The following SUPT3H variants were observed in gnomAD, a reference collection of about 807,000 sequenced individuals.
The protein encoded by SUPT3H is transcription initiation protein SPT3 homolog.
A neutral mutation model predicts 44.3 loss-of-function variants in SUPT3H; 44 were observed. The ratio of observed to expected loss-of-function variants is 0.99; its 90% CI spans 0.78 to 1.28. The LOEUF (loss-of-function observed/expected upper bound fraction) is 1.28, where lower values mean the gene tolerates loss of function less well. Ranked by LOEUF, SUPT3H falls within the 50% of genes most tolerant of loss-of-function variation. The probability of loss-of-function intolerance (pLI) is 0.00; values close to 1 mark genes in which losing one functional copy is unlikely to be tolerated. For synonymous variants in SUPT3H, 124 were observed against 125.6 expected (o/e 0.99, Z 0.09); for missense variants, 380 against 387.1 (o/e 0.98, Z 0.15).
intron 2 of SUPT3H, among the ~76,000 whole-genome samples, chr6:45,208,012 A>C (rs1763462915): frequency 6.6e-6 from 1 of 152,218 alleles, no homozygotes; most frequent in Non-Finnish European, 1.5e-5. Flanking sequence ...ACACAGTCCA[A>C]AAGCTAAGCC....
intron 10 of SUPT3H, among the ~76,000 whole-genome samples, chr6:44,849,260 T>C (rs377389595): frequency 0.011 from 1,424 of 130,342 alleles, 32 homozygotes; most frequent in African/African-American, 0.039. Flanking sequence ...GGAGTCTCGC[T>C]CTGTCGCCCA....
chr6:45,092,953 A>C lies in SUPT3H; in HGVS notation c.186+12969T>G, dbSNP rs1405421245. Among the ~76,000 whole-genome samples, 5 of 152,126 alleles carry C rather than the reference A, an allele frequency of 3.3e-5. No homozygotes were observed. The East Asian group carries it at 5.8e-4, about 18-fold the overall frequency. On this transcript the variant is annotated intron_variant, in intron 3 of 10. Transcript: ENST00000371459. ...AGATGTGAGAACGACTAGAATTGAA[A>C]TTATCAGCATAAATAATCTGTTCCC... is the stretch of plus-strand genomic sequence containing the variant.
intron 2 of SUPT3H, among the ~76,000 whole-genome samples, chr6:45,232,273 G>C (rs187263401): frequency 6.6e-6 from 1 of 152,148 alleles, no homozygotes; most frequent in Non-Finnish European, 1.5e-5. Context: ...TTTGATTATC[G>C]GTGTGTGCAG....
intron 2 of SUPT3H, among the ~76,000 whole-genome samples, chr6:45,142,465 G>A (rs749364914): frequency 2.6e-5 from 4 of 151,952 alleles, no homozygotes; most frequent in South Asian, 2.1e-4. Flanking sequence ...TGCCAGGAGC[G>A]GTGGCTCACG....
intron 3 of SUPT3H, among the ~76,000 whole-genome samples, chr6:45,099,975 G>C (rs552739150): frequency 1.8e-4 from 27 of 152,140 alleles, no homozygotes; most frequent in African/African-American, 6.5e-4. Context: ...ATACAGACAA[G>C]AATATTCCCG....
At position 44,906,776 on chromosome 6, in the gene SUPT3H, A is replaced by C. The variant is rs910845692; in HGVS notation, c.912+25877T>G. On this transcript the variant is annotated intron_variant, in intron 10 of 10. Coordinates refer to ENST00000371459, the MANE Select transcript of SUPT3H (RefSeq NM_003599.4). ...GACTCCGTCTCAAAAAACAAACAAA[A>C]AAAATTCACAAGGGTTCCCAGTCTG... 3.9e-5 allele frequency among the ~76,000 whole-genome samples: 6 copies of C among 152,296 alleles called. No individual in the cohort carries two copies. In the South Asian group the frequency reaches 8.3e-4, roughly 21 times the overall value.
intron 10 of SUPT3H, among the ~76,000 whole-genome samples, chr6:44,854,321 A>G (rs763710502): frequency 6.6e-6 from 1 of 152,188 alleles, no homozygotes; most frequent in Non-Finnish European, 1.5e-5. Context: ...GACTCTTTTA[A>G]TAACACCCTA....
chr6:45,122,536 C>G (rs778158830), intron 2 of SUPT3H, among the ~76,000 whole-genome samples: 7 of 152,026 alleles, frequency 4.6e-5, no homozygotes, highest in Non-Finnish European at 7.4e-5. Flanking sequence ...GAATACTAAA[C>G]CCACCATCAT....
intron 2 of SUPT3H, among the ~76,000 whole-genome samples, chr6:45,218,590 T>G (rs767843364): frequency 2.0e-5 from 3 of 152,120 alleles, no homozygotes; most frequent in Non-Finnish European, 4.4e-5. Context: ...AAAAATTAGC[T>G]GGGCATGATG....
chr6:45,254,790 C>T (rs924923245), intron 2 of SUPT3H, among the ~76,000 whole-genome samples: 1 of 152,196 alleles, frequency 6.6e-6, no homozygotes, highest in African/African-American at 2.4e-5. Context: ...CAACTGCAGT[C>T]TCAAAACATT....
intron 9 of SUPT3H, among the ~76,000 whole-genome samples, chr6:44,946,727 G>C (rs1773409805): frequency 6.6e-6 from 1 of 152,168 alleles, no homozygotes; most frequent in Non-Finnish European, 1.5e-5. Context: ...TGAAGATGCT[G>C]TGAACATTTT....
At chr6:45,375,455 T>C (rs1796645542) in intron 1 of SUPT3H, among the ~76,000 whole-genome samples, 1 of 152,236 alleles carries the variant, frequency 6.6e-6, no homozygotes, top group South Asian at 2.1e-4. Context: ...GATTTGTATA[T>C]TATGAGCTAT....
At chr6:45,182,330 G>T (rs1434494126) in intron 2 of SUPT3H, among the ~76,000 whole-genome samples, 1 of 152,098 alleles carries the variant, frequency 6.6e-6, no homozygotes, top group East Asian at 1.9e-4. Flanking sequence ...GCGCAATCTC[G>T]ACTCACTGCA....
intron 3 of SUPT3H, among the ~76,000 whole-genome samples, chr6:45,035,906 A>G (rs539411742): frequency 2.0e-5 from 3 of 152,268 alleles, no homozygotes; most frequent in African/African-American, 7.2e-5. Flanking sequence ...AGAGAAAGAA[A>G]AAAAAAAGAG....
intron 3 of SUPT3H, among the ~76,000 whole-genome samples, chr6:45,088,691 G>A (rs1408875860): frequency 2.6e-5 from 4 of 151,928 alleles, no homozygotes; most frequent in African/African-American, 9.7e-5. Flanking sequence ...CAGGGATCAG[G>A]GGAGTCACAT....
chr6:44,953,810 C>A (rs1277265672), intron 8 of SUPT3H, among the ~76,000 whole-genome samples: 2 of 152,164 alleles, frequency 1.3e-5, no homozygotes, highest in Admixed American at 6.5e-5. Context: ...CAGCTCACTG[C>A]AACCTCGGCC....
chr6:45,322,956 G>T, intron 2 of SUPT3H: 1 of 1,606,602 alleles, frequency 6.2e-7, no homozygotes, highest in Non-Finnish European at 8.5e-7. Flanking sequence ...AGCTGTTATT[G>T]ATAAGCAGTT....
chr6:45,359,423 A>G (rs1793839090), intron 2 of SUPT3H, among the ~76,000 whole-genome samples: 2 of 152,230 alleles, frequency 1.3e-5, no homozygotes, highest in South Asian at 4.1e-4. Flanking sequence ...AAACTAAAGT[A>G]TATCTTAAAA....
chr6:44,948,268 A>C (rs1027683119), intron 9 of SUPT3H, among the ~76,000 whole-genome samples: 2 of 152,182 alleles, frequency 1.3e-5, no homozygotes, highest in Non-Finnish European at 2.9e-5. Flanking sequence ...TAAATATTAG[A>C]CCTAAAACCA....
Sources: allele counts gnomAD v4.1 joint callset (sites outside exome capture counted in the v4.1 genomes callset), GRCh38; gene constraint gnomAD v4.1.1; transcripts MANE v1.5; gene names NCBI Gene and HGNC (gene_info 2026-07-23, HGNC 2026-07-21).